The following TAF3 variants were observed in gnomAD, a reference collection of about 807,000 sequenced individuals.
TAF3 encodes TATA-box binding protein associated factor 3.
Under a neutral mutation model 80.6 loss-of-function variants are expected in TAF3, and 7 were observed. That is an observed-to-expected ratio of 0.09 (90% confidence interval 0.05 to 0.16). The LOEUF is 0.16. TAF3 is among the 10% of genes least tolerant of loss of function. The pLI, the probability that TAF3 is intolerant of heterozygous loss-of-function variation, is 1.00. For missense variants in TAF3, 921 were observed against 1,140.2 expected (o/e 0.81, Z 2.77); for synonymous variants, 444 against 446.1 (o/e 1.00, Z 0.06).
intron 2 of TAF3, among the ~76,000 whole-genome samples, chr10:7,934,951 GA>G (rs998277077): frequency 3.3e-5 from 5 of 151,922 alleles, no homozygotes; most frequent in East Asian, 3.9e-4. Context: ...TTGTCTGGGG[GA>G]AAAAACACAT....
At chr10:7,975,802 T>C (rs1831666815) in intron 3 of TAF3, among the ~76,000 whole-genome samples, 1 of 152,230 alleles carries the variant, frequency 6.6e-6, no homozygotes, top group African/African-American at 2.4e-5. Flanking sequence ...TGTTGATCAT[T>C]ATTTTATGTG....
rs1831929657 is a variant in TAF3, at chr10:8,000,236, C to CCT, written c.2316-8840_2316-8839dup. On this transcript the variant is annotated intron_variant, in intron 4 of 6. Coordinates refer to ENST00000344293, the MANE Select transcript of TAF3 (RefSeq NM_031923.4). ...GGTTCAAGCGATTCTCTAGCCTCAG[C>CCT]CTCCTGAGTAGCTAGGATTACAGGC... 3.9e-5 allele frequency among the ~76,000 whole-genome samples: 6 copies of CCT among 152,154 alleles called. No individual in the cohort carries two copies. In the South Asian group the frequency reaches 1.0e-3, roughly 26 times the overall value.
At chr10:8,014,513 T>C (rs950077542) in intron 6 of TAF3, 124 bp from the exon 7 acceptor site, 12 of 761,274 alleles carry the variant, frequency 1.6e-5, no homozygotes, top group Admixed American at 2.8e-5. Flanking sequence ...CACAAGTTAG[T>C]GCTGCTTGAC....
chr10:7,998,241 CTA>C (rs59519247), intron 4 of TAF3, among the ~76,000 whole-genome samples: 64,743 of 133,914 alleles, frequency 0.48, 16,147 homozygotes, highest in Admixed American at 0.58. Context: ...TGAGTGAGAA[CTA>C]TATATATATA....
At chr10:7,939,179 T>G (rs1020623312) in intron 2 of TAF3, among the ~76,000 whole-genome samples, 14 of 152,214 alleles carry the variant, frequency 9.2e-5, no homozygotes. Context: ...CATTTGAATT[T>G]TTAGTAAACT....
intron 2 of TAF3, among the ~76,000 whole-genome samples, chr10:7,959,321 C>A (rs1042549960): frequency 5.3e-5 from 8 of 152,106 alleles, no homozygotes; most frequent in African/African-American, 1.7e-4. Flanking sequence ...TAAAAAAAAT[C>A]TATTTTAAAA....
At chr10:8,002,337 ATAT>A (rs532665675) in intron 4 of TAF3, among the ~76,000 whole-genome samples, 198 of 152,312 alleles carry the variant, frequency 1.3e-3, no homozygotes, top group Non-Finnish European at 2.2e-3. Context: ...ATCGTAAAGC[ATAT>A]TATTATGCTT....
At chr10:7,912,898 C>G (rs549239486) in intron 2 of TAF3, among the ~76,000 whole-genome samples, 6 of 152,062 alleles carry the variant, frequency 3.9e-5, no homozygotes, top group African/African-American at 1.2e-4. Flanking sequence ...GGTTTTTTGT[C>G]GGTGTCTGCT....
chr10:7,830,767 A>G (rs1470047580), intron 2 of TAF3, among the ~76,000 whole-genome samples: 1 of 152,104 alleles, frequency 6.6e-6, no homozygotes, highest in East Asian at 1.9e-4. Flanking sequence ...TCCAGGCGTG[A>G]GCCACCCCGC....
intron 2 of TAF3, among the ~76,000 whole-genome samples, chr10:7,850,821 C>T (rs1837020229): frequency 1.3e-5 from 2 of 152,046 alleles, no homozygotes; most frequent in East Asian, 1.9e-4. Context: ...TTTTCCAGTT[C>T]GCCCAAACAT....
chr10:7,974,220 C>T (rs199604543), intron 3 of TAF3, among the ~76,000 whole-genome samples: 2 of 152,030 alleles, frequency 1.3e-5, no homozygotes, highest in East Asian at 3.9e-4. Flanking sequence ...AAGGGTCTTG[C>T]TCCACCCGCC....
At chr10:7,830,085 G>T (rs1364829941) in intron 2 of TAF3, among the ~76,000 whole-genome samples, 1 of 151,946 alleles carries the variant, frequency 6.6e-6, no homozygotes, top group Admixed American at 6.6e-5. Context: ...GGGCTCCTCT[G>T]CATCTTCCCG....
At chr10:7,841,731 G>A (rs985090706) in intron 2 of TAF3, among the ~76,000 whole-genome samples, 3 of 152,206 alleles carry the variant, frequency 2.0e-5, no homozygotes, top group Non-Finnish European at 4.4e-5. Flanking sequence ...GTGCTACAGA[G>A]AGGAGCCTAG....
chr10:7,839,034 C>G (rs760061031), intron 2 of TAF3, among the ~76,000 whole-genome samples: 1 of 151,266 alleles, frequency 6.6e-6, no homozygotes, highest in Non-Finnish European at 1.5e-5. Flanking sequence ...GTTCAGTACA[C>G]GTGTCTTAGC....
rs1831549496 is a variant in TAF3 at position 7,964,640 on chromosome 10, C to T, written c.1130C>T (p.Pro377Leu). The change falls in exon 3 of 7, where the codon CCG becomes CTG. Residue 377 changes from proline to leucine, a missense_variant. Pro to Leu is a moderately conservative substitution (Grantham distance 98). Coordinates refer to ENST00000344293, the MANE Select transcript of TAF3 (RefSeq NM_031923.4). The surrounding 1 kb of genome is among the most constrained non-coding windows in gnomAD (Gnocchi z 4.1). ...DAGKLNSENQ[P>L]KKAVVADKTI... ...GGGAAACTGAACAGTGAGAATCAGC[C>T]GAAAAAGGCTGTGGTAGCAGATAAA... 6.8e-6 allele frequency: 11 copies of T among 1,613,876 alleles called. No homozygotes were observed. Among genetic ancestry groups the T allele is most frequent in the South Asian group, 1.1e-5 (1 of 91,076 alleles).
intron 2 of TAF3, among the ~76,000 whole-genome samples, chr10:7,950,277 A>G (rs1334326633): frequency 6.6e-6 from 1 of 152,236 alleles, no homozygotes; most frequent in Non-Finnish European, 1.5e-5. Context: ...ATAGAGAAAT[A>G]TAGAACGACC....
intron 4 of TAF3, among the ~76,000 whole-genome samples, chr10:8,003,559 T>C (rs1261129981): frequency 1.6e-4 from 25 of 152,266 alleles, no homozygotes; most frequent in Admixed American, 1.6e-3. Context: ...AATTTTAATG[T>C]AACAGAATAT....
Position 7,987,285 on chromosome 10 carries a change from C to T in TAF3, c.2315+9962C>T, listed in dbSNP as rs117701308. Among the ~76,000 whole-genome samples the T allele has an allele frequency of 1.2e-3, 186 of 152,014 alleles. 3 individuals are homozygous for T. The East Asian group carries it at 0.03, about 25-fold the overall frequency. On this transcript the variant is annotated intron_variant, in intron 4 of 6. Coordinates refer to ENST00000344293, the MANE Select transcript of TAF3 (RefSeq NM_031923.4). ...GAGTCGTGATCATGCCACTGCACAC[C>T]AGCTTGGGCAATAGGAGTGAGAACC...
chr10:7,840,447 C>T (rs989929959), intron 2 of TAF3, among the ~76,000 whole-genome samples: 7 of 151,100 alleles, frequency 4.6e-5, no homozygotes, highest in East Asian at 1.9e-4. Flanking sequence ...CCACCGCGCC[C>T]GGCCTGGAAA....
Sources: allele counts gnomAD v4.1 joint callset (sites outside exome capture counted in the v4.1 genomes callset), GRCh38; gene constraint gnomAD v4.1.1; non-coding constraint Gnocchi (gnomAD v3.1); transcripts MANE v1.5; gene names NCBI Gene and HGNC (gene_info 2026-07-23, HGNC 2026-07-21).